The following GPHN variants were observed in gnomAD, a reference collection of about 807,000 sequenced individuals.
The protein encoded by GPHN is gephyrin.
In GPHN, 17 loss-of-function variants were observed where a neutral mutation model predicts 95.5. The observed-to-expected ratio is 0.18, with a 90% CI of 0.12 to 0.27. The LOEUF (loss-of-function observed/expected upper bound fraction) is 0.27. Among genes scored for constraint, GPHN ranks in the 10% least tolerant of loss-of-function variants. The pLI, the probability that GPHN is intolerant of heterozygous loss-of-function variation, is 1.00. For synonymous variants in GPHN, 320 were observed against 322.5 expected (o/e 0.99, Z 0.08); for missense variants, 660 against 978.1 (o/e 0.67, Z 4.34).
intron 1 of GPHN, among the ~76,000 whole-genome samples, chr14:66,621,103 T>C (rs1437271662): frequency 6.6e-6 from 1 of 151,110 alleles, no homozygotes; most frequent in African/African-American, 2.4e-5. Context: ...CAGCTGGGAC[T>C]ACAAGCATCC....
At chr14:66,638,040 T>A (rs1393548592) in intron 1 of GPHN, among the ~76,000 whole-genome samples, 1 of 152,172 alleles carries the variant, frequency 6.6e-6, no homozygotes, top group East Asian at 1.9e-4. Context: ...ATTTACCACC[T>A]GGATCTATTG....
chr14:67,323,131 ATCAT>A, the GPHN span, among the ~76,000 whole-genome samples: 4 of 152,054 alleles, frequency 2.6e-5, no homozygotes, highest in Non-Finnish European at 5.9e-5. Flanking sequence ...ATCCTTCAGT[ATCAT>A]TCACTTACAT....
the GPHN span, among the ~76,000 whole-genome samples, chr14:67,305,740 T>TAC: frequency 6.6e-6 from 1 of 152,258 alleles, no homozygotes; most frequent in East Asian, 1.9e-4. Flanking sequence ...GCAATTAACT[T>TAC]ACACAGATTG....
the GPHN span, chr14:67,347,562 C>T: frequency 7.7e-6 from 7 of 910,444 alleles, no homozygotes; most frequent in African/African-American, 3.5e-5. Context: ...AATGCAATGG[C>T]GTGATCTCGC....
chr14:67,656,308 T>C, the GPHN span: 1 of 1,047,626 alleles, frequency 9.5e-7, no homozygotes, highest in Non-Finnish European at 1.3e-6. Flanking sequence ...AAAAAGACTA[T>C]TCCCTGAATA....
the GPHN span, among the ~76,000 whole-genome samples, chr14:67,703,976 C>T: frequency 2.0e-5 from 3 of 152,180 alleles, no homozygotes; most frequent in African/African-American, 7.2e-5. Flanking sequence ...CTGTGCTTGG[C>T]CTGGCATGTC....
chr14:67,589,590 A>T, the GPHN span: 1 of 985,884 alleles, frequency 1.0e-6, no homozygotes, highest in Non-Finnish European at 1.2e-6. Flanking sequence ...AGCCCTGTAC[A>T]GAACACAGGC....
intron 17 of GPHN, among the ~76,000 whole-genome samples, chr14:67,140,497 C>T (rs2080390182): frequency 6.6e-6 from 1 of 152,114 alleles, no homozygotes; most frequent in Non-Finnish European, 1.5e-5. Context: ...TGGTGTGCAT[C>T]TCACTGCTGC....
chr14:67,321,233 A>G, the GPHN span: 2 of 1,614,192 alleles, frequency 1.2e-6, no homozygotes, highest in Admixed American at 3.3e-5. Context: ...CTCTGGCAAA[A>G]TATGTCTTTT....
At chr14:66,599,480 G>T (rs2062135575) in intron 1 of GPHN, among the ~76,000 whole-genome samples, 1 of 142,132 alleles carries the variant, frequency 7.0e-6, no homozygotes, top group Non-Finnish European at 1.5e-5. Context: ...AACTAAGCAG[G>T]TTTTTTTGGA....
chr14:66,748,643 T>C (rs559090509), intron 2 of GPHN, among the ~76,000 whole-genome samples: 2 of 152,100 alleles, frequency 1.3e-5, no homozygotes, highest in African/African-American at 2.4e-5. Flanking sequence ...ATCCAAAATG[T>C]TTGAGACCAA....
intron 8 of GPHN, among the ~76,000 whole-genome samples, chr14:66,926,099 T>C (rs1220921285): frequency 6.6e-6 from 1 of 152,234 alleles, no homozygotes; most frequent in East Asian, 1.9e-4. Flanking sequence ...AATTAGATTG[T>C]TTTATGTTTT....
intron 3 of GPHN, among the ~76,000 whole-genome samples, chr14:66,792,230 G>A (rs1217141003): frequency 6.6e-6 from 1 of 152,038 alleles, no homozygotes; most frequent in Non-Finnish European, 1.5e-5. Context: ...GTTTTACCTA[G>A]CCCTTATTTA....
At chr14:66,667,146 G>A (rs2066011640) in intron 1 of GPHN, among the ~76,000 whole-genome samples, 1 of 152,120 alleles carries the variant, frequency 6.6e-6, no homozygotes, top group Admixed American at 6.5e-5. Context: ...ATTACACAAA[G>A]AAATGGAGAA....
intron 1 of GPHN, among the ~76,000 whole-genome samples, chr14:66,541,173 C>A (rs560191730): frequency 2.6e-5 from 4 of 152,264 alleles, no homozygotes; most frequent in Admixed American, 2.0e-4. Flanking sequence ...GTCTTGAATT[C>A]CTGGCTTCAA....
the GPHN span, chr14:67,586,802 G>T: frequency 1.8e-5 from 26 of 1,414,220 alleles, no homozygotes; most frequent in Non-Finnish European, 2.3e-5. Context: ...CCCCTTCCCT[G>T]GTTGTAGAGC....
At chr14:66,691,851 T>C (rs1387813538) in intron 2 of GPHN, among the ~76,000 whole-genome samples, 3 of 152,146 alleles carry the variant, frequency 2.0e-5, no homozygotes, top group Admixed American at 6.5e-5. Context: ...AATTAAGATA[T>C]AGGGTCTGCA....
the GPHN span, among the ~76,000 whole-genome samples, chr14:67,345,516 T>C: frequency 2.0e-5 from 3 of 148,386 alleles, no homozygotes; most frequent in South Asian, 2.2e-4. Flanking sequence ...GGTCGCGCCA[T>C]TGCACTCCAG....
At chr14:67,653,771 A>C in the GPHN span, among the ~76,000 whole-genome samples, 1 of 152,346 alleles carries the variant, frequency 6.6e-6, no homozygotes, top group African/African-American at 2.4e-5. Flanking sequence ...TGGCTACTCC[A>C]AAAGGGAAGG....
Sources: gnomAD v4.1 joint callset for allele counts (sites outside exome capture counted in the v4.1 genomes callset) on GRCh38, gnomAD v4.1.1 for gene constraint, MANE v1.5 for transcripts, NCBI Gene and HGNC (gene_info 2026-07-23, HGNC 2026-07-21) for gene names.